The following FIGN variants were observed in gnomAD, a reference collection of about 807,000 sequenced individuals.
FIGN encodes fidgetin.
In FIGN, 11 loss-of-function variants were observed where a neutral mutation model predicts 51.3. The observed-to-expected ratio is 0.21, with a 90% CI of 0.13 to 0.35. FIGN has a LOEUF of 0.35. FIGN is among the 10% of genes least tolerant of loss of function. The pLI, the probability that FIGN is intolerant of heterozygous loss-of-function variation, is 1.00. For missense variants in FIGN, 857 were observed against 943.6 expected (o/e 0.91, Z 1.20); for synonymous variants, 407 against 363.2 (o/e 1.12, Z -1.37).
chr2:163,728,397 AACACACACACACACACACACACAC>A (rs60526284), intron 2 of FIGN, among the ~76,000 whole-genome samples: 1 of 141,840 alleles, frequency 7.1e-6, no homozygotes, highest in Non-Finnish European at 1.5e-5. Context: ...CAAACCATTA[AACACACACACACACACACACACAC>A]ACACACACAC....
Position 163,698,735 on chromosome 2 carries a change from T to TGGG in FIGN, c.25+36165_25+36167dup, listed in dbSNP as rs1387097843. 6.6e-5 allele frequency among the ~76,000 whole-genome samples: 10 copies of TGGG among 152,304 alleles called. No homozygotes were observed. The East Asian group carries it at 1.9e-3, about 29-fold the overall frequency. ...AGCACAACGCAAACTATTCCTTCTGTGGGATCCTGCATTCTACCTTTCAAT... is the reference window on the plus strand; with the variant it reads ...AGCACAACGCAAACTATTCCTTCTGTGGGGGGATCCTGCATTCTACCTTTCAAT... On this transcript the variant is annotated intron_variant, in intron 2 of 2. Transcript: ENST00000333129.
intron 2 of FIGN, among the ~76,000 whole-genome samples, chr2:163,630,453 C>G (rs1392346855): frequency 6.6e-6 from 1 of 152,026 alleles, no homozygotes; most frequent in East Asian, 1.9e-4. Flanking sequence ...GATTGAGTCC[C>G]CAACACCAGG....
In FIGN at chr2:163,605,827, T is replaced by C. The variant is rs548888325; in HGVS notation, c.*3725A>G. ...TTTAGAGAAAGAAATTCTAAATGTCTCTAAAAACGTATTTTCCAACCCACA... is the reference window on the plus strand; with the variant it reads ...TTTAGAGAAAGAAATTCTAAATGTCCCTAAAAACGTATTTTCCAACCCACA... On this transcript the variant is annotated 3_prime_UTR_variant, in exon 3 of 3. Coordinates refer to ENST00000333129, the MANE Select transcript of FIGN (RefSeq NM_018086.4). 2 of 152,028 alleles carry C rather than the reference T, an allele frequency of 1.3e-5. No homozygotes were observed. Among genetic ancestry groups the C allele is most frequent in the Non-Finnish European group, 2.9e-5 (2 of 67,958 alleles). 9.4% of individuals were successfully genotyped at this position (152,028 alleles called of 1,614,324 possible).
At chr2:163,689,718 G>A (rs1317342879) in intron 2 of FIGN, among the ~76,000 whole-genome samples, 2 of 152,004 alleles carry the variant, frequency 1.3e-5, no homozygotes. Context: ...AAGCAGTTAG[G>A]CAACATAAAA....
At position 163,679,369 on chromosome 2, in the gene FIGN, G is replaced by A. The variant is rs903604783; in HGVS notation, c.25+55534C>T. Among the ~76,000 whole-genome samples the A allele has an allele frequency of 6.6e-5, 10 of 152,178 alleles. No individual in the cohort carries two copies. The South Asian group carries it at 8.3e-4, about 13-fold the overall frequency. Reference sequence around the variant, plus strand: ...AAATTAGCCAGGCATGGTGGCGGGCGCCTGTATTCCCAGTTACTTGGGAGG... The same window carrying A: ...AAATTAGCCAGGCATGGTGGCGGGCACCTGTATTCCCAGTTACTTGGGAGG... On this transcript the variant is annotated intron_variant, in intron 2 of 2. Coordinates refer to ENST00000333129, the MANE Select transcript of FIGN (RefSeq NM_018086.4).
chr2:163,713,130 T>C (rs2126006), intron 2 of FIGN, among the ~76,000 whole-genome samples: 152,041 of 152,354 alleles, frequency 1, 75,873 homozygotes, highest in Middle Eastern at 1. Flanking sequence ...ACAGAAGTCA[T>C]TGTCCTTAAA....
At chr2:163,684,990 T>C (rs567981586) in intron 2 of FIGN, among the ~76,000 whole-genome samples, 1 of 151,212 alleles carries the variant, frequency 6.6e-6, no homozygotes, top group African/African-American at 2.4e-5. Flanking sequence ...TTTTACCATG[T>C]TGGCCAGGCT....
chr2:163,709,620 CT>C (rs538302322), intron 2 of FIGN, among the ~76,000 whole-genome samples: 186 of 152,210 alleles, frequency 1.2e-3, no homozygotes, highest in African/African-American at 4.3e-3. Context: ...AAGCGATTTA[CT>C]ATGTGTTCAA....
At chr2:163,686,228 G>C (rs773707540) in intron 2 of FIGN, among the ~76,000 whole-genome samples, 4 of 152,134 alleles carry the variant, frequency 2.6e-5, no homozygotes, top group Non-Finnish European at 5.9e-5. Flanking sequence ...GTCATATTCT[G>C]ACATAAATAA....
At chr2:163,660,313 A>G (rs1452888398) in intron 2 of FIGN, among the ~76,000 whole-genome samples, 1 of 152,070 alleles carries the variant, frequency 6.6e-6, no homozygotes, top group African/African-American at 2.4e-5. Context: ...GATGTGAAAG[A>G]ATTGATGCAC....
At chr2:163,724,271 G>C (rs1684804966) in intron 2 of FIGN, among the ~76,000 whole-genome samples, 1 of 152,164 alleles carries the variant, frequency 6.6e-6, no homozygotes, top group South Asian at 2.1e-4. Context: ...CAAAAGTCTA[G>C]ATAGGTTGTT....
intron 2 of FIGN, among the ~76,000 whole-genome samples, chr2:163,655,050 G>C (rs949747819): frequency 3.9e-5 from 6 of 152,130 alleles, no homozygotes; most frequent in African/African-American, 1.4e-4. Flanking sequence ...TGTTAAAAAT[G>C]TGTGTTGGTG....
At chr2:163,633,590 G>A (rs1361555824) in intron 2 of FIGN, among the ~76,000 whole-genome samples, 1 of 152,142 alleles carries the variant, frequency 6.6e-6, no homozygotes, top group Non-Finnish European at 1.5e-5. Context: ...CAGAAGCCTT[G>A]TCTTTCTAAC....
intron 2 of FIGN, among the ~76,000 whole-genome samples, chr2:163,664,905 C>A (rs1272533201): frequency 6.6e-6 from 1 of 152,196 alleles, no homozygotes; most frequent in East Asian, 1.9e-4. Flanking sequence ...CATGAAGATA[C>A]CCTGGAAGTA....
intron 2 of FIGN, among the ~76,000 whole-genome samples, chr2:163,625,448 C>A (rs935293460): frequency 6.6e-6 from 1 of 151,622 alleles, no homozygotes. Flanking sequence ...TCCTTTTTTG[C>A]AGCACTATTT....
chr2:163,623,043 A>G (rs1682999175), intron 2 of FIGN, among the ~76,000 whole-genome samples: 1 of 152,244 alleles, frequency 6.6e-6, no homozygotes, highest in African/African-American at 2.4e-5. Context: ...GTCTAAAACC[A>G]TAAAATAATA....
Position 163,607,966 on chromosome 2 carries a change from G to A in FIGN, c.*1586C>T, listed in dbSNP as rs955840370. The A allele has an allele frequency of 1.3e-5, 2 of 152,686 alleles. No individual in the cohort carries two copies. The highest frequency in any genetic ancestry group is 4.1e-4 in the South Asian group (2 of 4,830). The allele number at this position is 152,686 out of a possible 1,614,324, so 9.5% of individuals were successfully genotyped here. A position where few individuals can be genotyped will look rare whatever the true frequency, so the allele number is the denominator to read the frequency against. ...AAGAAAAATGCCACTTATGCCATGG[G>A]TAGGGGTGGGGCTGGTAGACTGAGG... On this transcript the variant is annotated 3_prime_UTR_variant, in exon 3 of 3. Transcript: ENST00000333129.
chr2:163,642,218 G>A (rs1260079766), intron 2 of FIGN, among the ~76,000 whole-genome samples: 1 of 152,194 alleles, frequency 6.6e-6, no homozygotes, highest in Non-Finnish European at 1.5e-5. Flanking sequence ...CTGTTACAGT[G>A]TAGTTTCACA....
intron 2 of FIGN, among the ~76,000 whole-genome samples, chr2:163,702,966 G>A (rs1439801987): frequency 1.3e-5 from 2 of 150,932 alleles, no homozygotes; most frequent in Admixed American, 6.6e-5. Flanking sequence ...TAAAAGCTCG[G>A]CATAATTATC....
Sources: allele counts gnomAD v4.1 joint callset (sites outside exome capture counted in the v4.1 genomes callset), GRCh38; gene constraint gnomAD v4.1.1; transcripts MANE v1.5; gene names NCBI Gene and HGNC (gene_info 2026-07-23, HGNC 2026-07-21).